Variants in PICALM observed in about 807,000 individuals in gnomAD.
PICALM encodes the protein phosphatidylinositol-binding clathrin assembly protein.
A neutral mutation model predicts 80.5 loss-of-function variants in PICALM; 40 were observed. The ratio of observed to expected loss-of-function variants is 0.50; its 90% CI spans 0.39 to 0.65. PICALM has a LOEUF of 0.65. PICALM is among the 30% of genes least tolerant of loss of function. The pLI is 0.00. For missense variants in PICALM, 676 were observed against 778.9 expected, an observed-to-expected ratio of 0.87 and a Z score of 1.57; for synonymous variants, 288 against 260.3, an observed-to-expected ratio of 1.11 and a Z score of -1.02.
In PICALM at chr11:86,022,317, A is replaced by G. The variant is rs770176451; in HGVS notation, c.452+50T>C. ...CATAATCTAGTAACTCCTATGTTTT[A>G]CATTTTTAAAAATTCAAATCAATTA... On this transcript the variant is annotated intron_variant, in intron 4 of 19. Coordinates refer to ENST00000393346, the MANE Select transcript of PICALM (RefSeq NM_007166.4). 7.9e-6 allele frequency: 8 copies of G among 1,008,110 alleles called. No homozygotes were observed. The African/African-American group carries it at 8.2e-5, about 10-fold the overall frequency. 62.4% of individuals were successfully genotyped at this position (1,008,110 alleles called of 1,614,324 possible). A position where few individuals can be genotyped will look rare whatever the true frequency, so the allele number is the denominator to read the frequency against.
intron 1 of PICALM, among the ~76,000 whole-genome samples, chr11:86,056,046 G>A (rs554199199): frequency 4.6e-4 from 68 of 146,352 alleles, no homozygotes; most frequent in Non-Finnish European, 8.3e-4. Flanking sequence ...TAAGGTGGGA[G>A]GATCACTTGA....
chr11:86,003,228 CTGA>C (rs971552372), intron 9 of PICALM, 135 bp downstream of exon 9: 13 of 508,910 alleles, frequency 2.6e-5, no homozygotes, highest in Non-Finnish European at 4.3e-5. Context: ...TTCTATGAGG[CTGA>C]TATTATGATT....
chr11:86,062,248 G>T (rs568590742), intron 1 of PICALM, among the ~76,000 whole-genome samples: 1 of 152,304 alleles, frequency 6.6e-6, no homozygotes, highest in South Asian at 2.1e-4. Flanking sequence ...CGGGCGCAGT[G>T]GCTCACGCCT....
intron 19 of PICALM, among the ~76,000 whole-genome samples, chr11:85,961,535 T>G (rs561252408): frequency 6.6e-6 from 1 of 152,360 alleles, no homozygotes; most frequent in Non-Finnish European, 1.5e-5. Context: ...GTATGTATCT[T>G]TATTCTCCCA....
chr11:86,020,939 A>T (rs2508381), intron 4 of PICALM, among the ~76,000 whole-genome samples: 1 of 151,998 alleles, frequency 6.6e-6, no homozygotes, highest in Non-Finnish European at 1.5e-5. Flanking sequence ...CTGAAAAGAC[A>T]AGCCATGGGA....
intron 19 of PICALM, chr11:85,969,738 G>A: frequency 3.0e-6 from 1 of 328,268 alleles, no homozygotes; most frequent in Non-Finnish European, 6.2e-6. Context: ...AGGTTGGTCT[G>A]GAACTCCTGC....
chr11:86,048,775 T>A (rs1319955852), intron 1 of PICALM, among the ~76,000 whole-genome samples: 7 of 142,154 alleles, frequency 4.9e-5, no homozygotes, highest in Non-Finnish European at 1.0e-4. Flanking sequence ...GAGGTTGCGG[T>A]GAGCCAAGAT....
chr11:86,042,789 G>A (rs767405923), intron 1 of PICALM, among the ~76,000 whole-genome samples: 2 of 151,760 alleles, frequency 1.3e-5, no homozygotes, highest in South Asian at 2.1e-4. Flanking sequence ...ACCCAAGCAG[G>A]GTCCAGAGTG....
chr11:86,045,041 C>A (rs973769169), intron 1 of PICALM, among the ~76,000 whole-genome samples: 2 of 152,150 alleles, frequency 1.3e-5, no homozygotes, highest in African/African-American at 4.8e-5. Context: ...AAACCAACTG[C>A]AGTAATGGCG....
Position 86,054,482 on chromosome 11 carries a change from A to G in PICALM, c.130+14169T>C, listed in dbSNP as rs114583383. Among the ~76,000 whole-genome samples, 629 of 152,206 alleles carry G rather than the reference A, an allele frequency of 4.1e-3. 5 individuals carry two copies. The highest frequency in any genetic ancestry group is 0.014 in the African/African-American group (599 of 41,540). On this transcript the variant is annotated intron_variant, in intron 1 of 19. Transcript: ENST00000393346. ...CTCATCTCCCCTTACTCCCATTAAC[A>G]CTTTGCATTCTACCACACAAAACTA...
intron 7 of PICALM, among the ~76,000 whole-genome samples, chr11:86,010,792 G>A (rs1457587417): frequency 6.6e-6 from 1 of 152,128 alleles, no homozygotes; most frequent in Non-Finnish European, 1.5e-5. Flanking sequence ...TTATAGAGAA[G>A]TAAACAATGT....
chr11:86,053,676 T>G (rs754480612), intron 1 of PICALM, among the ~76,000 whole-genome samples: 1 of 152,122 alleles, frequency 6.6e-6, no homozygotes, highest in African/African-American at 2.4e-5. Flanking sequence ...CAAGTGATCC[T>G]CCCGCTTCAG....
Position 85,981,172 on chromosome 11 carries a change from T to A in PICALM, c.1736A>T (p.Gln579Leu). ...AGCGGTTGTTGGTGCAACCTTTGGT[T>A]GCCAGTTAGATCCCCCAGTTAACTT... ...EKKLTGGSNWQPKVAPTTAWN... is the reference protein window; with the variant it reads ...EKKLTGGSNWLPKVAPTTAWN... Residue 579 changes from glutamine to leucine, a missense_variant, in exon 17 of 20, where the codon CAA becomes CTA. By Grantham distance (113) the Gln-to-Leu change is moderately radical (BLOSUM62 -2). Transcript: ENST00000393346. The A allele has an allele frequency of 6.2e-7, 1 of 1,610,462 alleles. No homozygotes were observed.
intron 17 of PICALM, among the ~76,000 whole-genome samples, chr11:85,979,602 A>G (rs1422636922): frequency 6.6e-6 from 1 of 152,196 alleles, no homozygotes; most frequent in Admixed American, 6.5e-5. Context: ...CTAAATCTCA[A>G]TATTACTTTC....
intron 1 of PICALM, among the ~76,000 whole-genome samples, chr11:86,032,214 A>T (rs1178614135): frequency 1.3e-5 from 2 of 152,234 alleles, no homozygotes; most frequent in Non-Finnish European, 2.9e-5. Flanking sequence ...AGCTCAGATC[A>T]GTTGATAACT....
intron 14 of PICALM, 163 bp from the exon 15 acceptor site, chr11:85,982,166 A>C (rs920234022): frequency 1.7e-6 from 1 of 604,784 alleles, no homozygotes; most frequent in Non-Finnish European, 2.9e-6. Flanking sequence ...GAAAGTCACC[A>C]CTTCATACTG....
At chr11:85,997,903 C>T (rs2095026689) in intron 11 of PICALM, among the ~76,000 whole-genome samples, 1 of 152,012 alleles carries the variant, frequency 6.6e-6, no homozygotes, top group Non-Finnish European at 1.5e-5. Flanking sequence ...ATGCCTTAGC[C>T]TCCCAAGAAG....
At chr11:86,057,703 GCAGA>G (rs1565588453) in intron 1 of PICALM, among the ~76,000 whole-genome samples, 3 of 151,972 alleles carry the variant, frequency 2.0e-5, no homozygotes, top group African/African-American at 7.3e-5. Context: ...CTGAACATGC[GCAGA>G]CATTTTTCCT....
intron 18 of PICALM, among the ~76,000 whole-genome samples, chr11:85,975,592 CTT>C (rs11407535): frequency 2.2e-5 from 2 of 89,640 alleles, no homozygotes; most frequent in Admixed American, 1.7e-4. Flanking sequence ...TCTCAGCAGA[CTT>C]TTTTTTTTTT....
Sources: allele counts gnomAD v4.1 joint callset (sites outside exome capture counted in the v4.1 genomes callset), GRCh38; gene constraint gnomAD v4.1.1; transcripts MANE v1.5; gene names NCBI Gene and HGNC (gene_info 2026-07-23, HGNC 2026-07-21).